TUBD1: variants seen among roughly 807,000 people sequenced by gnomAD.
TUBD1 encodes the protein tubulin delta chain.
A neutral mutation model predicts 51.2 loss-of-function variants in TUBD1; 38 were observed. The observed-to-expected ratio is 0.74, with a 90% CI of 0.57 to 0.97. TUBD1 has a LOEUF of 0.97. TUBD1 is among the 50% of genes least tolerant of loss of function. The pLI is 0.00. For synonymous variants in TUBD1, 169 were observed against 178.2 expected (o/e 0.95, Z 0.41); for missense variants, 489 against 538.4 (o/e 0.91, Z 0.91).
intron 5 of TUBD1, among the ~76,000 whole-genome samples, chr17:59,877,519 C>T (rs1454129693): frequency 2.0e-5 from 3 of 152,158 alleles, no homozygotes; most frequent in East Asian, 1.9e-4. Context: ...CGGTGGCTCA[C>T]GCCTGTAATC....
intron 3 of TUBD1, among the ~76,000 whole-genome samples, chr17:59,882,213 G>A (rs1400720828): frequency 6.6e-6 from 1 of 151,916 alleles, no homozygotes; most frequent in East Asian, 1.9e-4. Flanking sequence ...AGCCCAGTGA[G>A]CAACTTCTTT....
In TUBD1 at chr17:59,874,730, A is replaced by T. The variant is rs781497528; in HGVS notation, c.770-27T>A. The T allele has an allele frequency of 4.6e-5, 73 of 1,572,816 alleles. No homozygotes were observed. The African/African-American group carries it at 8.2e-4, about 18-fold the overall frequency. ...TGTAAAGAAAAAAAAATCTGAACTA[A>T]TTTTTTTTTATTCTACATTGTTGCC... On this transcript the variant is annotated intron_variant, in intron 5 of 8. Transcript: ENST00000325752.
In TUBD1 at chr17:59,874,650, G is replaced by C. The variant is rs771319485; in HGVS notation, c.823C>G (p.Arg275Gly). The C allele has an allele frequency of 6.2e-7, 1 of 1,613,350 alleles. No homozygotes were observed. The highest frequency in any genetic ancestry group is 2.2e-5 in the East Asian group (1 of 44,842). ...TTCTCAGACATGTGAGGAATGTTAC[G>C]AACACTCAGCATCTTGAATTCAGGA... is the stretch of plus-strand genomic sequence containing the variant. The part of the protein sequence containing the change: ...PHPEFKMLSV[R>G]NIPHMSENSL... Residue 275 changes from arginine (R) to glycine (G), a missense_variant, in exon 6 of 9, where the codon CGT (arginine) becomes GGT (glycine). Coordinates refer to ENST00000325752, the MANE Select transcript of TUBD1 (RefSeq NM_016261.4).
At chr17:59,872,706 G>C (rs1161949130) in intron 6 of TUBD1, among the ~76,000 whole-genome samples, 4 of 114,054 alleles carry the variant, frequency 3.5e-5, no homozygotes, top group Non-Finnish European at 7.1e-5. Context: ...GTGTGTGTGT[G>C]TGTGTGTGTG....
intron 6 of TUBD1, among the ~76,000 whole-genome samples, chr17:59,872,960 G>A (rs1029307963): frequency 2.0e-5 from 3 of 151,730 alleles, no homozygotes; most frequent in East Asian, 3.9e-4. Context: ...AAGGGGTTTC[G>A]CCATGTTGCC....
chr17:59,871,237 C>T (rs574271555), intron 6 of TUBD1, among the ~76,000 whole-genome samples: 23 of 152,218 alleles, frequency 1.5e-4, no homozygotes, highest in East Asian at 1.3e-3. Flanking sequence ...GCTCTGTCGC[C>T]GAGGCTGGAG....
intron 7 of TUBD1, among the ~76,000 whole-genome samples, chr17:59,864,997 C>T (rs959674858): frequency 6.6e-6 from 1 of 151,936 alleles, no homozygotes; most frequent in African/African-American, 2.4e-5. Flanking sequence ...GCTGGGACTA[C>T]AGGTGTGCAC....
chr17:59,865,075 T>G (rs1244037981), intron 7 of TUBD1, among the ~76,000 whole-genome samples: 1 of 151,756 alleles, frequency 6.6e-6, no homozygotes, highest in African/African-American at 2.4e-5. Context: ...CCAGGCTGGT[T>G]TCGAACTCCT....
chr17:59,879,049 TG>T (rs1295085389), intron 4 of TUBD1, among the ~76,000 whole-genome samples: 1 of 151,884 alleles, frequency 6.6e-6, no homozygotes, highest in Non-Finnish European at 1.5e-5. Flanking sequence ...CTGAGGTGGG[TG>T]GATCACCTGA....
intron 7 of TUBD1, 131 bp from the exon 8 acceptor site, chr17:59,863,978 G>T: frequency 1.3e-6 from 1 of 794,192 alleles, no homozygotes; most frequent in Non-Finnish European, 1.8e-6. Context: ...GTGATGGCTG[G>T]TGCAGAGACT....
chr17:59,887,109 C>A (rs1178267340), intron 2 of TUBD1, among the ~76,000 whole-genome samples: 2 of 152,042 alleles, frequency 1.3e-5, no homozygotes, highest in Non-Finnish European at 2.9e-5. Context: ...TTGCTTGATC[C>A]CGGGAGGTGG....
intron 6 of TUBD1, among the ~76,000 whole-genome samples, chr17:59,872,720 GTGTGTGTGTC>G (rs2040046393): frequency 2.2e-5 from 3 of 135,650 alleles, no homozygotes; most frequent in African/African-American, 5.3e-5. Context: ...GTGTGTGTGT[GTGTGTGTGTC>G]TGTGTGTGTA....
At chr17:59,875,425 G>T (rs1490676759) in intron 5 of TUBD1, among the ~76,000 whole-genome samples, 1 of 151,538 alleles carries the variant, frequency 6.6e-6, no homozygotes, top group African/African-American at 2.4e-5. Context: ...ACCGTATCTG[G>T]TTAGGTGATA....
chr17:59,861,388 G>A (rs929148054), intron 8 of TUBD1, among the ~76,000 whole-genome samples: 2 of 151,742 alleles, frequency 1.3e-5, no homozygotes, highest in Admixed American at 6.6e-5. Flanking sequence ...TAGTAGAGGT[G>A]GGGTTTCACC....
At chr17:59,882,958 T>C (rs1479587179) in intron 3 of TUBD1, among the ~76,000 whole-genome samples, 2 of 149,896 alleles carry the variant, frequency 1.3e-5, no homozygotes, top group Admixed American at 6.7e-5. Context: ...CTAATTTTTG[T>C]ATTTTTAGTA....
chr17:59,888,728 T>C (rs924790314), intron 2 of TUBD1, among the ~76,000 whole-genome samples: 30 of 112,476 alleles, frequency 2.7e-4, no homozygotes, highest in Non-Finnish European at 2.9e-4. Context: ...GTTTTTTGTC[T>C]TTTTTTTTTC....
At chr17:59,885,878 T>C (rs556746193) in intron 3 of TUBD1, among the ~76,000 whole-genome samples, 1 of 152,318 alleles carries the variant, frequency 6.6e-6, no homozygotes, top group African/African-American at 2.4e-5. Flanking sequence ...CTGAAAGATA[T>C]CCTTCATTTC....
chr17:59,882,129 T>C (rs1265496303), intron 3 of TUBD1, among the ~76,000 whole-genome samples: 19 of 151,852 alleles, frequency 1.3e-4, no homozygotes, highest in Admixed American at 1.3e-3. Flanking sequence ...CCAGGCTGGT[T>C]GTGAACTCCT....
At chr17:59,889,623 C>A (rs1338215324) in intron 2 of TUBD1, among the ~76,000 whole-genome samples, 1 of 144,042 alleles carries the variant, frequency 6.9e-6, no homozygotes, top group African/African-American at 2.6e-5. Context: ...GAGCCAAGAT[C>A]GCACCACTGC....
Sources: allele counts gnomAD v4.1 joint callset (sites outside exome capture counted in the v4.1 genomes callset), GRCh38; gene constraint gnomAD v4.1.1; transcripts MANE v1.5; gene names NCBI Gene and HGNC (gene_info 2026-07-23, HGNC 2026-07-21).